The following ZNF777 variants were observed in gnomAD, a reference collection of about 807,000 sequenced individuals.
ZNF777 encodes the protein zinc finger protein 777.
In ZNF777, 7 loss-of-function variants were observed where a neutral mutation model predicts 72.1. The observed-to-expected ratio is 0.10, with a 90% CI of 0.06 to 0.18. The LOEUF (loss-of-function observed/expected upper bound fraction) is 0.18, where lower values mean the gene tolerates loss of function less well. Ranked by LOEUF, ZNF777 falls within the 10% of genes least tolerant of loss-of-function variation. The probability of loss-of-function intolerance (pLI) is 1.00; values close to 1 mark genes in which losing one functional copy is unlikely to be tolerated. For missense variants in ZNF777, 828 were observed against 1,128.6 expected (o/e 0.73, Z 3.82); for synonymous variants, 545 against 483.5 (o/e 1.13, Z -1.67).
At chr7:149,438,392 CAG>C (rs1248831450) in intron 4 of ZNF777, among the ~76,000 whole-genome samples, 1 of 152,198 alleles carries the variant, frequency 6.6e-6, no homozygotes, top group African/African-American at 2.4e-5. Flanking sequence ...CTTTCCCTAA[CAG>C]AAGAACATTC....
intron 2 of ZNF777, 148 bp from the exon 3 acceptor site, chr7:149,454,385 A>G (rs1452661093): frequency 4.3e-6 from 4 of 937,616 alleles, no homozygotes; most frequent in South Asian, 1.7e-5. Context: ...CCAAAGAGTG[A>G]GGGGCCTGTC....
At position 149,455,092 on chromosome 7, in the gene ZNF777, C is replaced by T; in HGVS notation, c.846+85G>A. 4.1e-6 allele frequency: 6 copies of T among 1,479,254 alleles called. No individual in the cohort carries two copies. Among genetic ancestry groups the T allele is most frequent in the Admixed American group, 2.2e-5 (1 of 44,526 alleles). 91.6% of individuals were successfully genotyped at this position (1,479,254 alleles called of 1,614,324 possible). A position where few individuals can be genotyped will look rare whatever the true frequency, so the allele number is the denominator to read the frequency against. ...TGTATTTTTTCCTTTATCAACCACC[C>T]CTTTCTTTCATATTACACTACATTC... On this transcript the variant is annotated intron_variant, in intron 2 of 5. Transcript: ENST00000247930. The surrounding 1 kb of genome is among the most constrained non-coding windows in gnomAD (Gnocchi z 4.2).
At chr7:149,449,462 G>A (rs563564033) in intron 4 of ZNF777, among the ~76,000 whole-genome samples, 1 of 152,282 alleles carries the variant, frequency 6.6e-6, no homozygotes, top group Non-Finnish European at 1.5e-5. Flanking sequence ...CAGAGAAAGG[G>A]GATCCATGCT....
At chr7:149,450,530 C>T (rs745947122) in intron 4 of ZNF777, among the ~76,000 whole-genome samples, 16 of 152,212 alleles carry the variant, frequency 1.1e-4, no homozygotes, top group Non-Finnish European at 4.4e-5. Context: ...TGGTCAGTCT[C>T]GCTGGGTGCA....
At chr7:149,437,799 CTTTTTCTTTTTT>C (rs1038249264) in intron 4 of ZNF777, among the ~76,000 whole-genome samples, 6 of 115,658 alleles carry the variant, frequency 5.2e-5, no homozygotes, top group South Asian at 3.0e-4. Context: ...ATGTTTGTTT[CTTTTTCTTTTTT>C]TTTTTTTTTT....
chr7:149,455,461 C>G lies in ZNF777; in HGVS notation c.562G>C (p.Val188Leu). The change falls in exon 2 of 6, where the codon GTG (valine) becomes CTG (leucine). Residue 188 changes from valine (V) to leucine (L), a missense_variant. By Grantham distance (32) the Val-to-Leu change is conservative. Around this residue, in one of 12 missense-constraint regions of ZNF777, gnomAD observed 76 missense variants for 157.3 expected, o/e 0.48. Transcript: ENST00000247930. This position sits in a 1 kb window ranked among gnomAD's most constrained non-coding sequence, Gnocchi z 4.2. ...TCCACTGCTTGGACGGCAGCCCACA[C>G]AGCCAAGCGGGTGATCTCTGCCGTG... ...LPTAEITRLAVWAAVQAVERK... is the reference protein window; with the variant it reads ...LPTAEITRLALWAAVQAVERK... 2 of 1,614,196 alleles carry G rather than the reference C, an allele frequency of 1.2e-6. No individual in the cohort carries two copies. Among genetic ancestry groups the G allele is most frequent in the Non-Finnish European group, 1.7e-6 (2 of 1,180,036 alleles).
In ZNF777 at chr7:149,442,487, G is replaced by A. The variant is rs1227508155; in HGVS notation, c.1088-5661C>T. The stretch of plus-strand genomic sequence containing the variant: ...ACAAAAAAATTAGCCATGCATGGTG[G>A]TGGGCACCTGTAACCCCAGCTACTC... On this transcript the variant is annotated intron_variant, in intron 4 of 5. Coordinates refer to ENST00000247930, the MANE Select transcript of ZNF777 (RefSeq NM_015694.3). Among the ~76,000 whole-genome samples the A allele has an allele frequency of 3.3e-5, 5 of 151,620 alleles. 1 individual carries two copies.
At chr7:149,433,303 G>A (rs1799356903) in intron 5 of ZNF777, among the ~76,000 whole-genome samples, 1 of 152,228 alleles carries the variant, frequency 6.6e-6, no homozygotes. Flanking sequence ...CAGAGCCGAT[G>A]TGGGAACACC....
rs1165782423 is a variant in ZNF777 at position 149,432,173 on chromosome 7, C to T, written c.2099G>A (p.Gly700Asp). ...HEVSFICSLC[G>D]KSFSRPSHLL... ...GTGCGAGGGGCGGCTGAAGCTCTTG[C>T]CGCACAGGCTGCAGATGAAGGAGAC... is the stretch of plus-strand genomic sequence containing the variant. Residue 700 changes from glycine (G) to aspartate (D), a missense_variant, in exon 6 of 6, where the codon GGC becomes GAC. By Grantham distance (94) the Gly-to-Asp change is moderately conservative. This residue lies in a region of ZNF777 where 24 missense variants were observed against 23.3 expected (regional missense o/e 1.03). Transcript: ENST00000247930. 1 of 1,604,652 alleles carries T rather than the reference C, an allele frequency of 6.2e-7. No individual in the cohort carries two copies.
intron 4 of ZNF777, among the ~76,000 whole-genome samples, chr7:149,447,772 C>T (rs563309846): frequency 6.6e-6 from 1 of 152,278 alleles, no homozygotes; most frequent in African/African-American, 2.4e-5. Flanking sequence ...TCTGACTTCC[C>T]AAACTCAAGG....
chr7:149,459,753 G>C, intron 1 of ZNF777: 3 of 985,070 alleles, frequency 3.0e-6, no homozygotes, highest in Non-Finnish European at 3.6e-6. Context: ...TCAGCGCCGC[G>C]CCCGGGCCGG....
chr7:149,450,085 G>C (rs573964580), intron 4 of ZNF777, among the ~76,000 whole-genome samples: 19 of 152,316 alleles, frequency 1.2e-4, no homozygotes, highest in South Asian at 6.2e-4. Context: ...TCTTTCAGCA[G>C]ACATGATCGC....
In ZNF777 at chr7:149,436,511, G is replaced by A. The variant is rs1799412710; in HGVS notation, c.1339+64C>T. 1 of 1,523,528 alleles carries A rather than the reference G, an allele frequency of 6.6e-7. No individual in the cohort carries two copies. Among genetic ancestry groups the A allele is most frequent in the Non-Finnish European group, 8.8e-7 (1 of 1,135,598 alleles). The allele number at this position is 1,523,528 out of a possible 1,614,324, so 94.4% of individuals were successfully genotyped here. A position where few individuals can be genotyped will look rare whatever the true frequency, so the allele number is the denominator to read the frequency against. ...CTGAAGGAACCACAGCTTTCCCAGG[G>A]GGCAGGGGCCCTCTGGGAGGCCTCA... On this transcript the variant is annotated intron_variant, in intron 5 of 5. Coordinates refer to ENST00000247930, the MANE Select transcript of ZNF777 (RefSeq NM_015694.3). This position sits in a 1 kb window ranked among gnomAD's most constrained non-coding sequence, Gnocchi z 5.0.
rs781043344 is a variant in ZNF777 at position 149,451,423 on chromosome 7, G to C, written c.974-311C>G. 1.2e-4 allele frequency among the ~76,000 whole-genome samples: 18 copies of C among 152,278 alleles called. No individual in the cohort carries two copies. The South Asian group carries it at 2.1e-3, about 18-fold the overall frequency. ...AAACTAATCCTGGCCGGGTGCAGTG[G>C]CTCACACCTGTAATCCCAGCACATT... On this transcript the variant is annotated intron_variant, in intron 3 of 5. Transcript: ENST00000247930.
In ZNF777 at chr7:149,454,253, A is replaced by C; in HGVS notation, c.847-16T>G. On this transcript the variant is annotated splice_polypyrimidine_tract_variant and intron_variant, in intron 2 of 5. Transcript: ENST00000247930. ...TGACAGGGACCTGAAACCACACAAT[A>C]ACTCGGCTCAGACCCGCTGGAAGGC... The C allele has an allele frequency of 6.2e-7, 1 of 1,613,724 alleles. No individual in the cohort carries two copies. The highest frequency in any genetic ancestry group is 8.5e-7 in the Non-Finnish European group (1 of 1,179,866).
chr7:149,452,266 A>AAAAC (rs925902849), intron 3 of ZNF777, among the ~76,000 whole-genome samples: 21 of 92,544 alleles, frequency 2.3e-4, no homozygotes, highest in South Asian at 1.2e-3. Context: ...CTCCGTCTCA[A>AAAAC]AAACAAACAA....
intron 3 of ZNF777, among the ~76,000 whole-genome samples, chr7:149,451,858 C>T (rs1304195741): frequency 6.6e-6 from 1 of 152,060 alleles, no homozygotes; most frequent in Non-Finnish European, 1.5e-5. Flanking sequence ...TGACATATGG[C>T]AAAGGGTTAA....
chr7:149,452,220 G>A (rs987241981), intron 3 of ZNF777, among the ~76,000 whole-genome samples: 12 of 151,842 alleles, frequency 7.9e-5, no homozygotes, highest in South Asian at 6.3e-4. Context: ...AGCCGAGATC[G>A]CGCCACTGCA....
intron 4 of ZNF777, among the ~76,000 whole-genome samples, chr7:149,448,511 A>AT (rs1748359372): frequency 2.2e-5 from 2 of 89,168 alleles, no homozygotes; most frequent in Non-Finnish European, 4.2e-5. Context: ...ATATATATAT[A>AT]ACTATATATA....
Sources: allele counts gnomAD v4.1 joint callset (sites outside exome capture counted in the v4.1 genomes callset), GRCh38; gene constraint gnomAD v4.1.1; regional missense constraint gnomAD v4.1.1; non-coding constraint Gnocchi (gnomAD v3.1); transcripts MANE v1.5; gene names NCBI Gene and HGNC (gene_info 2026-07-23, HGNC 2026-07-21).